Variants in CCDC93 observed in about 807,000 individuals in gnomAD.
The protein encoded by CCDC93 is coiled-coil domain-containing protein 93.
Under a neutral mutation model 108.2 loss-of-function variants are expected in CCDC93, and 61 were observed. The observed-to-expected ratio is 0.56, with a 90% CI of 0.46 to 0.70. The LOEUF is 0.70. CCDC93 is among the 30% of genes least tolerant of loss of function. CCDC93 has a pLI of 0.00. For synonymous variants in CCDC93, 276 were observed against 260.4 expected, an observed-to-expected ratio of 1.06 and a Z score of -0.58; for missense variants, 685 against 764.2, an observed-to-expected ratio of 0.90 and a Z score of 1.22.
intron 20 of CCDC93, among the ~76,000 whole-genome samples, chr2:117,937,195 A>G (rs1441880019): frequency 1.3e-5 from 2 of 152,226 alleles, no homozygotes; most frequent in African/African-American, 2.4e-5. Flanking sequence ...CTTCTCGCCA[A>G]TGCAACAAGC....
At chr2:117,957,608 G>C (rs975465173) in intron 12 of CCDC93, among the ~76,000 whole-genome samples, 1 of 152,114 alleles carries the variant, frequency 6.6e-6, no homozygotes, top group Non-Finnish European at 1.5e-5. Flanking sequence ...ACACGTCAAT[G>C]GCTTCTGTTG....
At chr2:117,977,933 A>C in intron 8 of CCDC93, 61 bp downstream of exon 8, 2 of 1,450,670 alleles carry the variant, frequency 1.4e-6, no homozygotes, top group Non-Finnish European at 9.7e-7. Context: ...TGTTAGTCAG[A>C]GGTGAAGGGA....
rs1169406370 is a variant in CCDC93 at position 117,920,186 on chromosome 2, TGAATG to T, written c.*152_*156del. Reference sequence around the variant, plus strand: ...CTCCATCAACAGCAGCCAACAGAGATGAATGGAAGCAAAGAGGAGAAAGAAAACAT... The same window carrying T: ...CTCCATCAACAGCAGCCAACAGAGATGAAGCAAAGAGGAGAAAGAAAACAT... On this transcript the variant is annotated 3_prime_UTR_variant, in exon 24 of 24. Transcript: ENST00000376300. 1.1e-5 allele frequency: 6 copies of T among 541,934 alleles called. No homozygotes were observed. Among genetic ancestry groups the T allele is most frequent in the Non-Finnish European group, 2.0e-5 (6 of 299,514 alleles). 33.6% of individuals were successfully genotyped at this position (541,934 alleles called of 1,614,324 possible). A position where few individuals can be genotyped will look rare whatever the true frequency, so the allele number is the denominator to read the frequency against.
At chr2:117,928,069 T>C (rs1573461079) in intron 23 of CCDC93, among the ~76,000 whole-genome samples, 1 of 144,344 alleles carries the variant, frequency 6.9e-6, no homozygotes, top group African/African-American at 2.7e-5. Context: ...TGTAGAAAGC[T>C]GAAACTGGAT....
rs201509175 is a variant in CCDC93, at chr2:117,944,102, G to C, written c.1351-16C>G. Reference sequence around the variant, plus strand: ...CTAGGTCTTCCTAAAAATTGGAAAAGGCTGTAATTATCTGGGAATAGAAAA... The same window carrying C: ...CTAGGTCTTCCTAAAAATTGGAAAACGCTGTAATTATCTGGGAATAGAAAA... On this transcript the variant is annotated splice_polypyrimidine_tract_variant and intron_variant, in intron 17 of 23. Transcript: ENST00000376300. 6.4e-7 allele frequency: 1 copy of C among 1,565,936 alleles called. No individual in the cohort carries two copies. Among genetic ancestry groups the C allele is most frequent in the East Asian group, 2.3e-5 (1 of 44,192 alleles).
At chr2:117,983,166 T>C (rs1451080141) in intron 7 of CCDC93, among the ~76,000 whole-genome samples, 1 of 152,168 alleles carries the variant, frequency 6.6e-6, no homozygotes, top group Non-Finnish European at 1.5e-5. Context: ...CAAACCATGG[T>C]CTGTTTCCCA....
At position 117,925,588 on chromosome 2, in the gene CCDC93, TG is replaced by T. The variant is rs1197609464; in HGVS notation, c.1843-5193del. Among the ~76,000 whole-genome samples, 8 of 152,324 alleles carry T rather than the reference TG, an allele frequency of 5.3e-5. No homozygotes were observed. In the South Asian group the frequency reaches 1.7e-3, roughly 32 times the overall value. On this transcript the variant is annotated intron_variant, in intron 23 of 23. Transcript: ENST00000376300. Reference sequence around the variant, plus strand: ...AAGAGCTAACTATCCTGAATATATATGCACCCAATACAGGAGCACCCAGATT... The same window carrying T: ...AAGAGCTAACTATCCTGAATATATATCACCCAATACAGGAGCACCCAGATT...
At chr2:118,010,175 T>C (rs1676987267) in intron 1 of CCDC93, among the ~76,000 whole-genome samples, 1 of 152,104 alleles carries the variant, frequency 6.6e-6, no homozygotes, top group South Asian at 2.1e-4. Context: ...CAGGATAGTT[T>C]CGATCTCCTG....
intron 11 of CCDC93, among the ~76,000 whole-genome samples, chr2:117,963,903 G>A (rs1679470924): frequency 6.6e-6 from 1 of 152,188 alleles, no homozygotes; most frequent in Admixed American, 6.5e-5. Context: ...TATGCAAATT[G>A]ATACGGACTC....
chr2:117,993,438 C>CAAA (rs35648657), intron 6 of CCDC93, among the ~76,000 whole-genome samples: 216 of 141,978 alleles, frequency 1.5e-3, no homozygotes, highest in African/African-American at 2.1e-3. Context: ...CTTTTGTTAC[C>CAAA]AAAAAAAAAA....
At chr2:117,950,871 G>A (rs955721958) in intron 13 of CCDC93, 1 of 985,354 alleles carries the variant, frequency 1.0e-6, no homozygotes, top group Non-Finnish European at 1.2e-6. Flanking sequence ...CCTGACACCC[G>A]GCTGCATGGC....
intron 3 of CCDC93, among the ~76,000 whole-genome samples, chr2:118,006,147 G>A (rs187723165): frequency 3.9e-5 from 6 of 152,148 alleles, no homozygotes; most frequent in Admixed American, 3.9e-4. Context: ...TCAGAAAAAT[G>A]AATAAACAGA....
intron 21 of CCDC93, among the ~76,000 whole-genome samples, chr2:117,936,097 G>A (rs1019588): frequency 6.6e-6 from 1 of 151,922 alleles, no homozygotes; most frequent in South Asian, 2.1e-4. Flanking sequence ...CAATGTGTCC[G>A]CTGTCATCTG....
intron 23 of CCDC93, 85 bp from the exon 24 acceptor site, chr2:117,920,481 T>G: frequency 1.1e-6 from 1 of 916,638 alleles, no homozygotes; most frequent in Non-Finnish European, 1.7e-6. Flanking sequence ...GCCCTTCCCA[T>G]ATCCCTATGG....
intron 7 of CCDC93, among the ~76,000 whole-genome samples, chr2:117,981,420 C>T (rs769276927): frequency 6.6e-6 from 1 of 152,198 alleles, no homozygotes; most frequent in African/African-American, 2.4e-5. Flanking sequence ...CAGCCCTGCC[C>T]GTTTCCCCCA....
intron 13 of CCDC93, chr2:117,950,790 T>C (rs1679029002): frequency 1.0e-6 from 1 of 985,400 alleles, no homozygotes; most frequent in Non-Finnish European, 1.2e-6. Context: ...TAGATGGGAA[T>C]TAGTCTGATT....
intron 11 of CCDC93, among the ~76,000 whole-genome samples, chr2:117,965,501 T>C (rs1023187612): frequency 2.0e-5 from 3 of 152,168 alleles, no homozygotes; most frequent in African/African-American, 7.2e-5. Flanking sequence ...TCTAACCCCA[T>C]GGTATAATTT....
intron 1 of CCDC93, among the ~76,000 whole-genome samples, chr2:118,013,652 C>CT (rs1468177417): frequency 6.6e-6 from 1 of 152,166 alleles, no homozygotes; most frequent in Non-Finnish European, 1.5e-5. Context: ...AAGGTGGGAG[C>CT]CCAGGACCCC....
chr2:118,010,105 T>TCG (rs1676984447), intron 1 of CCDC93, among the ~76,000 whole-genome samples: 1 of 102,990 alleles, frequency 9.7e-6, no homozygotes, highest in Non-Finnish European at 2.2e-5. Flanking sequence ...CCACGCCCGT[T>TCG]TTTTTGTTTG....
Sources: allele counts gnomAD v4.1 joint callset (sites outside exome capture counted in the v4.1 genomes callset), GRCh38; gene constraint gnomAD v4.1.1; transcripts MANE v1.5; gene names NCBI Gene and HGNC (gene_info 2026-07-23, HGNC 2026-07-21).